The following ZNF69 variants were observed in gnomAD, a reference collection of about 807,000 sequenced individuals.
ZNF69 encodes zinc finger protein 69, also known as ZNF3.
A neutral mutation model predicts 50.9 loss-of-function variants in ZNF69; 47 were observed. The observed-to-expected ratio is 0.92, with a 90% confidence interval of 0.73 to 1.18. The LOEUF (loss-of-function observed/expected upper bound fraction) is 1.18. ZNF69 is among the 50% of genes most tolerant of loss of function. The probability of loss-of-function intolerance (pLI) is 0.00; values close to 1 mark genes in which losing one functional copy is unlikely to be tolerated. For synonymous variants in ZNF69, 216 were observed against 223.1 expected (o/e 0.97, Z 0.29); for missense variants, 717 against 675.1 (o/e 1.06, Z -0.69).
the ZNF69 span, among the ~76,000 whole-genome samples, chr19:11,954,728 G>A: frequency 6.6e-6 from 1 of 151,946 alleles, no homozygotes; most frequent in African/African-American, 2.4e-5. Context: ...GGCTGAGGCA[G>A]AAGGAGAACC....
the ZNF69 span, chr19:11,949,642 C>A: frequency 1.2e-6 from 2 of 1,613,292 alleles, no homozygotes; most frequent in South Asian, 2.2e-5. Flanking sequence ...TGAATGCAAC[C>A]AATGTGGTAA....
the ZNF69 span, chr19:11,979,878 A>G: frequency 2.1e-6 from 3 of 1,452,026 alleles, no homozygotes; most frequent in East Asian, 2.3e-5. Context: ...GTAAGAATGC[A>G]CTCTGTAGAA....
chr19:11,943,977 C>T, the ZNF69 span, among the ~76,000 whole-genome samples: 1 of 151,970 alleles, frequency 6.6e-6, no homozygotes, highest in Non-Finnish European at 1.5e-5. Context: ...TTTTACATGA[C>T]TGTGGTGGAT....
chr19:11,920,974 C>A, the ZNF69 span, among the ~76,000 whole-genome samples: 4 of 152,140 alleles, frequency 2.6e-5, no homozygotes, highest in African/African-American at 4.8e-5. Context: ...AGTTACAGCT[C>A]TACCCTCCAA....
At chr19:11,898,384 G>GTT (rs1972172402) in intron 1 of ZNF69, among the ~76,000 whole-genome samples, 1 of 131,042 alleles carries the variant, frequency 7.6e-6, no homozygotes, top group African/African-American at 3.1e-5. Flanking sequence ...GTTCCTCCTG[G>GTT]CTTTTTTTTT....
the ZNF69 span, chr19:11,977,159 C>A: frequency 6.2e-6 from 10 of 1,614,054 alleles, no homozygotes; most frequent in Middle Eastern, 1.6e-4. Flanking sequence ...AACCTGACCT[C>A]TATAGGTAAG....
chr19:11,904,982 A>G lies in ZNF69; in HGVS notation c.585A>G (p.Lys195=). ...CTGGAGAGAAACCCTATGCTTGTAA[A>G]GAATGTGGAAAAACTTTTATTTCCC... ...DHTGEKPYAC[K]ECGKTFISHS... Residue 195 remains lysine, a synonymous_variant, in exon 4 of 4, where the codon AAA becomes AAG. Transcript: ENST00000429654. 1.9e-6 allele frequency: 3 copies of G among 1,613,994 alleles called. No individual in the cohort carries two copies. The highest frequency in any genetic ancestry group is 2.5e-6 in the Non-Finnish European group (3 of 1,179,942).
chr19:11,950,486 T>A, the ZNF69 span: 1 of 657,890 alleles, frequency 1.5e-6, no homozygotes, highest in South Asian at 1.7e-5. Flanking sequence ...TGTATTCTAG[T>A]TCCGTTTGAT....
the ZNF69 span, among the ~76,000 whole-genome samples, chr19:11,962,131 T>C: frequency 6.6e-6 from 1 of 151,854 alleles, no homozygotes; most frequent in Non-Finnish European, 1.5e-5. Context: ...CGAAACTTAG[T>C]GGGAGGACGG....
chr19:11,919,194 C>T (rs1436836377), downstream of ZNF69, among the ~76,000 whole-genome samples: 4 of 152,058 alleles, frequency 2.6e-5, no homozygotes, highest in Admixed American at 1.3e-4. Flanking sequence ...CGCGCCTGGC[C>T]CCTTGTTTTT....
At chr19:11,978,764 G>A in the ZNF69 span, 1 of 1,613,972 alleles carries the variant, frequency 6.2e-7, no homozygotes. Flanking sequence ...CCCACACTGG[G>A]GGAAAGCCAT....
At chr19:11,976,068 C>T in the ZNF69 span, among the ~76,000 whole-genome samples, 12 of 145,398 alleles carry the variant, frequency 8.3e-5, no homozygotes, top group Admixed American at 5.6e-4. Flanking sequence ...TCTAGCATGC[C>T]GGATTTGGGT....
At chr19:11,913,391 A>G in intron 4 of ZNF69, 3 of 564,008 alleles carry the variant, frequency 5.3e-6, no homozygotes, top group Admixed American at 3.6e-5. Context: ...AATTTTTCTT[A>G]TCTTTTTTTT....
chr19:11,931,877 A>T, the ZNF69 span, among the ~76,000 whole-genome samples: 1 of 148,110 alleles, frequency 6.8e-6, no homozygotes, highest in Non-Finnish European at 1.5e-5. Flanking sequence ...ACACTTTAGG[A>T]GGTCAATGCA....
the ZNF69 span, among the ~76,000 whole-genome samples, chr19:11,970,470 A>C: frequency 6.6e-6 from 1 of 152,264 alleles, no homozygotes; most frequent in African/African-American, 2.4e-5. Flanking sequence ...ACATATAAAT[A>C]AAAGAATTCA....
chr19:11,923,096 C>T, the ZNF69 span, among the ~76,000 whole-genome samples: 4 of 152,200 alleles, frequency 2.6e-5, no homozygotes, highest in Non-Finnish European at 4.4e-5. Context: ...GGATTGCAGG[C>T]ATGAGCCATG....
chr19:11,892,413 A>G (rs1383106729), intron 1 of ZNF69, among the ~76,000 whole-genome samples: 3 of 152,076 alleles, frequency 2.0e-5, no homozygotes, highest in Non-Finnish European at 4.4e-5. Flanking sequence ...GATAGCCATG[A>G]AGTCTTTGTG....
chr19:11,966,832 AG>A, the ZNF69 span, among the ~76,000 whole-genome samples: 1 of 152,124 alleles, frequency 6.6e-6, no homozygotes. Context: ...CAGCTGGAAG[AG>A]TTTATTCAAG....
chr19:11,900,970 T>G (rs931872323), intron 1 of ZNF69, among the ~76,000 whole-genome samples: 3 of 152,216 alleles, frequency 2.0e-5, no homozygotes, highest in Non-Finnish European at 4.4e-5. Context: ...TTTAAGTAAA[T>G]GATTCATTAG....
Sources: allele counts gnomAD v4.1 joint callset (sites outside exome capture counted in the v4.1 genomes callset), GRCh38; gene constraint gnomAD v4.1.1; transcripts MANE v1.5; gene names NCBI Gene and HGNC (gene_info 2026-07-23, HGNC 2026-07-21).